The following CDX1 variants were observed in gnomAD, a reference collection of about 807,000 sequenced individuals.
The protein encoded by CDX1 is homeobox protein CDX-1.
A neutral mutation model predicts 16.9 loss-of-function variants in CDX1; 9 were observed. The observed-to-expected ratio is 0.53, with a 90% CI of 0.32 to 0.93. The LOEUF is 0.93. CDX1 is among the 40% of genes least tolerant of loss of function. The pLI is 0.04. For synonymous variants in CDX1, 179 were observed against 179.0 expected, an observed-to-expected ratio of 1.00 and a Z score of 0.00; for missense variants, 393 against 386.1, an observed-to-expected ratio of 1.02 and a Z score of -0.15.
At chr5:150,168,857 A>G (rs1761468596) in intron 1 of CDX1, among the ~76,000 whole-genome samples, 1 of 152,254 alleles carries the variant, frequency 6.6e-6, no homozygotes, top group South Asian at 2.1e-4. Flanking sequence ...AAGTTACAAA[A>G]GGACTCCTTT....
intron 1 of CDX1, among the ~76,000 whole-genome samples, chr5:150,175,897 A>G (rs118012411): frequency 6.6e-6 from 1 of 152,306 alleles, no homozygotes; most frequent in East Asian, 1.9e-4. Context: ...CACTTCTGCA[A>G]ATAGCTGTTT....
intron 1 of CDX1, among the ~76,000 whole-genome samples, chr5:150,171,712 C>G (rs1289777830): frequency 6.6e-6 from 1 of 152,248 alleles, no homozygotes; most frequent in Non-Finnish European, 1.5e-5. Context: ...CTGGCCTCAA[C>G]CATCTATTGA....
chr5:150,174,206 T>A (rs1401343224), intron 1 of CDX1, among the ~76,000 whole-genome samples: 1 of 152,164 alleles, frequency 6.6e-6, no homozygotes, highest in Non-Finnish European at 1.5e-5. Flanking sequence ...GAGCCACACC[T>A]ACAGTGGAGT....
At chr5:150,173,314 G>A (rs190772603) in intron 1 of CDX1, among the ~76,000 whole-genome samples, 36 of 152,290 alleles carry the variant, frequency 2.4e-4, no homozygotes, top group Non-Finnish European at 4.7e-4. Flanking sequence ...CAAGGCAGAC[G>A]GGTCCACCTG....
Position 150,167,230 on chromosome 5 carries a change from C to A in CDX1, c.354C>A (p.Gly118=). The A allele has an allele frequency of 1.6e-6, 2 of 1,261,660 alleles. No homozygotes were observed. The highest frequency in any genetic ancestry group is 3.3e-5 in the South Asian group (1 of 30,142). The allele number at this position is 1,261,660 out of a possible 1,614,324, so 78.2% of individuals were successfully genotyped here. Residue 118 remains glycine (G), a synonymous_variant, in exon 1 of 3, where the codon GGC becomes GGA. Coordinates refer to ENST00000231656, the MANE Select transcript of CDX1 (RefSeq NM_001804.3). ...GCCTCCTGGCGCAGCCCCTCGGGGG[C>A]CCGGGCACACCGTCCTCGCCCGGAG... ...GPGLLAQPLG[G]PGTPSSPGAQ...
chr5:150,183,952 G>A lies in CDX1; in HGVS notation c.*272G>A. The A allele has an allele frequency of 3.1e-6, 1 of 320,554 alleles. No individual in the cohort carries two copies. The highest frequency in any genetic ancestry group is 5.7e-6 in the Non-Finnish European group (1 of 176,212). 19.9% of individuals were successfully genotyped at this position (320,554 alleles called of 1,614,324 possible). A position where few individuals can be genotyped will look rare whatever the true frequency, so the allele number is the denominator to read the frequency against. On this transcript the variant is annotated 3_prime_UTR_variant, in exon 3 of 3. Transcript: ENST00000231656. ...CCCGTGGGCATCTCAAGCCCCAAAT[G>A]GTTGGGGGAGGGGCCTAGACAAGGC...
intron 1 of CDX1, among the ~76,000 whole-genome samples, chr5:150,174,821 G>T (rs1176413817): frequency 1.3e-5 from 2 of 150,004 alleles, no homozygotes; most frequent in African/African-American, 4.9e-5. Context: ...TTGTCGCCCA[G>T]GCTGGACTGC....
chr5:150,174,589 G>A (rs1412451554), intron 1 of CDX1, among the ~76,000 whole-genome samples: 1 of 152,330 alleles, frequency 6.6e-6, no homozygotes, highest in East Asian at 1.9e-4. Flanking sequence ...GCCACCAGCT[G>A]CACATGGCTG....
chr5:150,176,529 C>T (rs574077386), intron 1 of CDX1, among the ~76,000 whole-genome samples: 5 of 152,138 alleles, frequency 3.3e-5, no homozygotes, highest in Admixed American at 3.3e-4. Context: ...GCGTGTGGGG[C>T]AGGTGCTCCC....
chr5:150,171,390 C>T (rs1761503490), intron 1 of CDX1, among the ~76,000 whole-genome samples: 1 of 152,160 alleles, frequency 6.6e-6, no homozygotes, highest in South Asian at 2.1e-4. Flanking sequence ...CGCTGGAGTA[C>T]AGTGGTGCGA....
In CDX1 at chr5:150,182,794, C is replaced by T; in HGVS notation, c.472C>T (p.Arg158Cys). 3 of 1,603,300 alleles carry T rather than the reference C, an allele frequency of 1.9e-6. No individual in the cohort carries two copies. Among genetic ancestry groups the T allele is most frequent in the South Asian group, 1.1e-5 (1 of 89,634 alleles). ...SGKTRTKDKY[R>C]VVYTDHQRLE... Reference sequence around the variant, plus strand: ...TAAGACTCGGACCAAGGACAAGTACCGCGTGGTCTACACCGACCACCAACG... The same window carrying T: ...TAAGACTCGGACCAAGGACAAGTACTGCGTGGTCTACACCGACCACCAACG... Residue 158 changes from arginine (R) to cysteine (C), a missense_variant, in exon 2 of 3, where the codon CGC (arginine) becomes TGC (cysteine). Coordinates refer to ENST00000231656, the MANE Select transcript of CDX1 (RefSeq NM_001804.3).
chr5:150,177,495 C>T (rs1761583438), intron 1 of CDX1, among the ~76,000 whole-genome samples: 1 of 152,080 alleles, frequency 6.6e-6, no homozygotes, highest in Non-Finnish European at 1.5e-5. Flanking sequence ...GAGAGAACTA[C>T]AAGAAACCTT....
At chr5:150,174,361 A>G (rs562680954) in intron 1 of CDX1, among the ~76,000 whole-genome samples, 1 of 152,360 alleles carries the variant, frequency 6.6e-6, no homozygotes, top group Non-Finnish European at 1.5e-5. Flanking sequence ...CTGTTTGTAA[A>G]TCTTAAATGG....
chr5:150,167,444 C>T (rs1761443466), intron 1 of CDX1, 123 bp downstream of exon 1: 1 of 569,722 alleles, frequency 1.8e-6, no homozygotes, highest in East Asian at 3.6e-5. Context: ...GCCCTCCTGT[C>T]CACTCTCGCC....
At chr5:150,173,416 C>T (rs1761531661) in intron 1 of CDX1, among the ~76,000 whole-genome samples, 1 of 152,070 alleles carries the variant, frequency 6.6e-6, no homozygotes, top group Non-Finnish European at 1.5e-5. Context: ...AATGTCTTTC[C>T]CTGTTCATGA....
intron 1 of CDX1, 121 bp from the exon 2 acceptor site, chr5:150,182,647 C>T (rs1752474297): frequency 2.2e-6 from 2 of 899,300 alleles, no homozygotes; most frequent in Admixed American, 5.3e-5. Flanking sequence ...ATGTCTCTCC[C>T]CACCTCAGGG....
At position 150,180,690 on chromosome 5, in the gene CDX1, G is replaced by A. The variant is rs527728784; in HGVS notation, c.446-2078G>A. Among the ~76,000 whole-genome samples, 3 of 152,200 alleles carry A rather than the reference G, an allele frequency of 2.0e-5. No homozygotes were observed. In the South Asian group the frequency reaches 6.2e-4, roughly 32 times the overall value. ...GCCATGCCCTGGTGGGAGCGTGTGCGGGTCTGGAAGTGCTTGCGTGCGCCT... is the reference window on the plus strand; with the variant it reads ...GCCATGCCCTGGTGGGAGCGTGTGCAGGTCTGGAAGTGCTTGCGTGCGCCT... On this transcript the variant is annotated intron_variant, in intron 1 of 2. Transcript: ENST00000231656.
intron 1 of CDX1, among the ~76,000 whole-genome samples, chr5:150,182,308 C>A (rs1247468649): frequency 6.6e-6 from 1 of 152,252 alleles, no homozygotes; most frequent in African/African-American, 2.4e-5. Flanking sequence ...GTTAAAAATG[C>A]AGATTCCACC....
At chr5:150,168,514 T>C (rs570536586) in intron 1 of CDX1, among the ~76,000 whole-genome samples, 1 of 152,340 alleles carries the variant, frequency 6.6e-6, no homozygotes, top group South Asian at 2.1e-4. Flanking sequence ...AGCTAATGTT[T>C]TGGAACACTT....
Sources: gnomAD v4.1 joint callset for allele counts (sites outside exome capture counted in the v4.1 genomes callset) on GRCh38, gnomAD v4.1.1 for gene constraint, MANE v1.5 for transcripts, NCBI Gene and HGNC (gene_info 2026-07-23, HGNC 2026-07-21) for gene names.